FLRT1: variants seen among roughly 807,000 people sequenced by gnomAD.
FLRT1 encodes fibronectin leucine rich transmembrane protein 1, also known as leucine-rich repeat transmembrane protein FLRT1.
Under a neutral mutation model 30.9 loss-of-function variants are expected in FLRT1, and 14 were observed. The ratio of observed to expected loss-of-function variants is 0.45; its 90% CI spans 0.30 to 0.71. The LOEUF (loss-of-function observed/expected upper bound fraction) is 0.71, where lower values mean the gene tolerates loss of function less well. Ranked by LOEUF, FLRT1 falls within the 30% of genes least tolerant of loss-of-function variation. The pLI is 0.08. For missense variants in FLRT1, 737 were observed against 949.2 expected, an observed-to-expected ratio of 0.78 and a Z score of 2.94; for synonymous variants, 368 against 430.4, an observed-to-expected ratio of 0.85 and a Z score of 1.80.
chr11:64,062,812 C>T (rs1487531484), intron 1 of FLRT1, among the ~76,000 whole-genome samples: 2 of 152,168 alleles, frequency 1.3e-5, no homozygotes, highest in African/African-American at 4.8e-5. Flanking sequence ...TGCCTGCCCA[C>T]ACAGCTCACA....
rs1435118171 is a variant in FLRT1 at position 64,117,232 on chromosome 11, A to G, written c.965A>G (p.Gln322Arg). 6.2e-7 allele frequency: 1 copy of G among 1,614,178 alleles called. No homozygotes were observed. The highest frequency in any genetic ancestry group is 8.5e-7 in the Non-Finnish European group (1 of 1,180,010). Residue 322 changes from glutamine to arginine, a missense_variant, in exon 3 of 3, where the codon CAG (glutamine) becomes CGG (arginine). Coordinates refer to ENST00000682287, the MANE Select transcript of FLRT1 (RefSeq NM_013280.5). ...GLFDDLGNLA[Q>R]LLLRNNPWFC... is the part of the protein sequence containing the mutation. ...TTCGACGACCTGGGGAACCTGGCCC[A>G]GCTGCTGCTCAGGAACAACCCTTGG...
At chr11:64,040,088 C>A (rs1291982202) in intron 1 of FLRT1, among the ~76,000 whole-genome samples, 1 of 152,250 alleles carries the variant, frequency 6.6e-6, no homozygotes, top group Non-Finnish European at 1.5e-5. Context: ...TTGCCAGGCA[C>A]AGTGCTGGGC....
chr11:64,117,795 A>G lies in FLRT1; in HGVS notation c.1528A>G (p.Met510Val). 1 of 1,614,166 alleles carries G rather than the reference A, an allele frequency of 6.2e-7. No individual in the cohort carries two copies. The highest frequency in any genetic ancestry group is 8.5e-7 in the Non-Finnish European group (1 of 1,180,048). Residue 510 changes from methionine (M) to valine (V), a missense_variant, in exon 3 of 3, where the codon ATG becomes GTG. Met to Val is a conservative substitution (Grantham distance 21, BLOSUM62 1). Coordinates refer to ENST00000682287, the MANE Select transcript of FLRT1 (RefSeq NM_013280.5). ...KSTYIICMVT[M>V]ETSNAYVADE... is the part of the protein sequence containing the mutation. ...CACCTACATCATCTGCATGGTCACCATGGAGACCAGCAATGCCTACGTAGC... is the reference window on the plus strand; with the variant it reads ...CACCTACATCATCTGCATGGTCACCGTGGAGACCAGCAATGCCTACGTAGC...
At chr11:64,048,227 G>T (rs1943622821) in intron 1 of FLRT1, among the ~76,000 whole-genome samples, 1 of 152,240 alleles carries the variant, frequency 6.6e-6, no homozygotes, top group Non-Finnish European at 1.5e-5. Flanking sequence ...GGAGAGCTCA[G>T]CTCCCGCCGG....
intron 1 of FLRT1, among the ~76,000 whole-genome samples, chr11:64,068,827 G>A (rs541931418): frequency 5.9e-5 from 9 of 152,348 alleles, no homozygotes; most frequent in Non-Finnish European, 1.3e-4. Context: ...CTGTGTCACT[G>A]AGCAGCCCTC....
At chr11:64,062,266 C>T (rs974639136) in intron 1 of FLRT1, among the ~76,000 whole-genome samples, 2 of 152,126 alleles carry the variant, frequency 1.3e-5, no homozygotes, top group Non-Finnish European at 2.9e-5. Context: ...GTACTTGGCA[C>T]ACAGTAGGTG....
At position 64,116,404 on chromosome 11, in the gene FLRT1, C is replaced by T. The variant is rs1280291389; in HGVS notation, c.137C>T (p.Thr46Met). Residue 46 changes from threonine to methionine, a missense_variant, in exon 3 of 3, where the codon ACG becomes ATG. Coordinates refer to ENST00000682287, the MANE Select transcript of FLRT1 (RefSeq NM_013280.5). ...TGCTACGGGCTCATCGCCTTCCTGACGGAGGTCATCGACAGCACCACCTGC... is the reference window on the plus strand; with the variant it reads ...TGCTACGGGCTCATCGCCTTCCTGATGGAGGTCATCGACAGCACCACCTGC... ...FLCYGLIAFL[T>M]EVIDSTTCPS... 14 of 1,613,866 alleles carry T rather than the reference C, an allele frequency of 8.7e-6. No homozygotes were observed. The highest frequency in any genetic ancestry group is 2.2e-5 in the South Asian group (2 of 91,084).
chr11:64,118,444 G>A lies in FLRT1; in HGVS notation c.*152G>A, dbSNP rs1257587996. The stretch of plus-strand genomic sequence containing the variant: ...AAAGCAAAGTTTGGGGAGGGCTGAC[G>A]ATTTTGTAGAACACAACAGTGACAA... On this transcript the variant is annotated 3_prime_UTR_variant, in exon 3 of 3. Transcript: ENST00000682287. 5.6e-5 allele frequency: 50 copies of A among 890,640 alleles called. No individual in the cohort carries two copies. The highest frequency in any genetic ancestry group is 4.4e-4 in the East Asian group (16 of 36,344). 55.2% of individuals were successfully genotyped at this position (890,640 alleles called of 1,614,324 possible). A position where few individuals can be genotyped will look rare whatever the true frequency, so the allele number is the denominator to read the frequency against.
At chr11:64,074,856 C>T (rs1944174186) in intron 1 of FLRT1, among the ~76,000 whole-genome samples, 1 of 152,216 alleles carries the variant, frequency 6.6e-6, no homozygotes, top group Non-Finnish European at 1.5e-5. Context: ...GAGCTCTGAC[C>T]TCACTCCAGG....
chr11:64,041,063 G>A (rs1392434536), intron 1 of FLRT1, among the ~76,000 whole-genome samples: 1 of 151,892 alleles, frequency 6.6e-6, no homozygotes, highest in Non-Finnish European at 1.5e-5. Context: ...CTGGGGTCAC[G>A]GGGCGCTAGT....
In FLRT1 at chr11:64,096,281, CG is replaced by C. The variant is rs1944574710; in HGVS notation, c.-1037-6911del. On this transcript the variant is annotated intron_variant, in intron 1 of 2. Coordinates refer to ENST00000682287, the MANE Select transcript of FLRT1 (RefSeq NM_013280.5). This position sits in a 1 kb window ranked among gnomAD's most constrained non-coding sequence, Gnocchi z 4.6. Reference sequence around the variant, plus strand: ...GCCAATTTCCTGAAAGAAGAGGTTCCGGCCTTGGCTGGTGGCGCCAGGTTCA... The same window carrying C: ...GCCAATTTCCTGAAAGAAGAGGTTCCGCCTTGGCTGGTGGCGCCAGGTTCA... Among the ~76,000 whole-genome samples the C allele has an allele frequency of 6.6e-6, 1 of 152,224 alleles. No individual in the cohort carries two copies. The highest frequency in any genetic ancestry group is 1.5e-5 in the Non-Finnish European group (1 of 68,036).
intron 1 of FLRT1, among the ~76,000 whole-genome samples, chr11:64,037,270 G>T (rs532392651): frequency 1.5e-4 from 23 of 152,224 alleles, no homozygotes; most frequent in African/African-American, 3.9e-4. Context: ...GGCTGTCTGT[G>T]GGGGGGACCC....
At chr11:64,042,174 ATGCACACACTCT>A (rs1232263701) in intron 1 of FLRT1, among the ~76,000 whole-genome samples, 2 of 152,226 alleles carry the variant, frequency 1.3e-5, no homozygotes, top group South Asian at 2.1e-4. Flanking sequence ...ATGCACCTTC[ATGCACACACTCT>A]TGCACACACA....
intron 1 of FLRT1, among the ~76,000 whole-genome samples, chr11:64,051,623 C>T (rs144406646): frequency 4.1e-4 from 63 of 152,284 alleles, no homozygotes; most frequent in African/African-American, 1.3e-3. Context: ...CTGCGTGGAG[C>T]GGGCAGTGGG....
At position 64,117,562 on chromosome 11, in the gene FLRT1, C is replaced by T. The variant is rs759462490; in HGVS notation, c.1295C>T (p.Thr432Met). 15 of 1,606,546 alleles carry T rather than the reference C, an allele frequency of 9.3e-6. No individual in the cohort carries two copies. Among genetic ancestry groups the T allele is most frequent in the South Asian group, 2.2e-5 (2 of 90,486 alleles). Reference protein sequence around the residue: ...PDSNIDYPMATGDGAKTLAIH... With the variant: ...PDSNIDYPMAMGDGAKTLAIH... ...TCCAACATTGACTACCCCATGGCCACGGGTGATGGCGCCAAGACCCTGGCC... is the reference window on the plus strand; with the variant it reads ...TCCAACATTGACTACCCCATGGCCATGGGTGATGGCGCCAAGACCCTGGCC... The change falls in exon 3 of 3, where the codon ACG (threonine) becomes ATG (methionine). Residue 432 changes from threonine (T) to methionine (M), a missense_variant. Coordinates refer to ENST00000682287, the MANE Select transcript of FLRT1 (RefSeq NM_013280.5).
intron 1 of FLRT1, among the ~76,000 whole-genome samples, chr11:64,080,601 G>A (rs1010808207): frequency 6.6e-6 from 1 of 152,200 alleles, no homozygotes; most frequent in African/African-American, 2.4e-5. Flanking sequence ...ACACGTAGGC[G>A]TTCAGCAAGG....
intron 1 of FLRT1, among the ~76,000 whole-genome samples, chr11:64,097,812 C>T (rs543193576): frequency 6.6e-6 from 1 of 152,290 alleles, no homozygotes; most frequent in East Asian, 1.9e-4. Flanking sequence ...CCTTCCTGCT[C>T]CTGCTCAGGC....
chr11:64,100,202 A>C (rs564066748), intron 1 of FLRT1, among the ~76,000 whole-genome samples: 1 of 152,314 alleles, frequency 6.6e-6, no homozygotes, highest in South Asian at 2.1e-4. Context: ...GGAAAGGACA[A>C]GGTGCATTGT....
rs147824954 is a variant in FLRT1, at chr11:64,056,500, G to A, written c.-1038+20341G>A. On this transcript the variant is annotated intron_variant, in intron 1 of 2. Transcript: ENST00000682287. Reference sequence around the variant, plus strand: ...AGGCTGTACTAGAGAGAAGACAGACGGACGGAGAGACGGAGCCTGGGTCTC... The same window carrying A: ...AGGCTGTACTAGAGAGAAGACAGACAGACGGAGAGACGGAGCCTGGGTCTC... 2.7e-3 allele frequency among the ~76,000 whole-genome samples: 418 copies of A among 152,324 alleles called. 3 individuals are homozygous for A. The highest frequency in any genetic ancestry group is 7.6e-3 in the African/African-American group (314 of 41,560).
Sources: allele counts gnomAD v4.1 joint callset (sites outside exome capture counted in the v4.1 genomes callset), GRCh38; gene constraint gnomAD v4.1.1; non-coding constraint Gnocchi (gnomAD v3.1); transcripts MANE v1.5; gene names NCBI Gene and HGNC (gene_info 2026-07-23, HGNC 2026-07-21).